Variants in GABRG3 observed in about 807,000 individuals in gnomAD.
GABRG3 encodes the protein gamma-aminobutyric acid type A receptor subunit gamma3.
A neutral mutation model predicts 48.8 loss-of-function variants in GABRG3; 25 were observed. That is an observed-to-expected ratio of 0.51 (90% CI 0.37 to 0.72). The LOEUF is 0.72. GABRG3 is among the 30% of genes least tolerant of loss of function. The pLI is 0.00. For synonymous variants in GABRG3, 227 were observed against 217.6 expected, an observed-to-expected ratio of 1.04 and a Z score of -0.38; for missense variants, 394 against 577.9, an observed-to-expected ratio of 0.68 and a Z score of 3.26.
intron 3 of GABRG3, among the ~76,000 whole-genome samples, chr15:27,316,312 C>CG (rs1893216460): frequency 7.1e-6 from 1 of 140,212 alleles, no homozygotes; most frequent in South Asian, 2.3e-4. Flanking sequence ...GGCGTGAACC[C>CG]GGGAGGCAGA....
intron 2 of GABRG3, among the ~76,000 whole-genome samples, chr15:27,008,504 G>A (rs1289005927): frequency 1.3e-5 from 2 of 152,186 alleles, no homozygotes; most frequent in Non-Finnish European, 2.9e-5. Context: ...AGATTCAGTC[G>A]AGAATTGAAT....
intron 3 of GABRG3, among the ~76,000 whole-genome samples, chr15:27,084,001 C>G (rs1897034396): frequency 6.6e-6 from 1 of 152,190 alleles, no homozygotes; most frequent in South Asian, 2.1e-4. Context: ...GCAGGGAAGC[C>G]TGGTTTGGTG....
chr15:27,281,627 A>G (rs190334563), intron 3 of GABRG3, among the ~76,000 whole-genome samples: 342 of 151,916 alleles, frequency 2.3e-3, no homozygotes, highest in African/African-American at 7.4e-3. Flanking sequence ...CGGACACTGT[A>G]CTTTTCCTAC....
intron 3 of GABRG3, among the ~76,000 whole-genome samples, chr15:27,145,618 T>TATCTATC (rs1555406012): frequency 1.9e-4 from 27 of 145,832 alleles, no homozygotes; most frequent in South Asian, 1.1e-3. Context: ...TCTATCTATC[T>TATCTATC]ATCTATCTAT....
At chr15:27,391,048 A>G (rs1251725964) in intron 5 of GABRG3, among the ~76,000 whole-genome samples, 2 of 151,638 alleles carry the variant, frequency 1.3e-5, no homozygotes, top group African/African-American at 4.8e-5. Flanking sequence ...AGATCACACC[A>G]TTGCACTCTA....
chr15:27,103,466 C>T (rs1401621119), intron 3 of GABRG3, among the ~76,000 whole-genome samples: 1 of 152,096 alleles, frequency 6.6e-6, no homozygotes, highest in Non-Finnish European at 1.5e-5. Flanking sequence ...GGGTGGCCAG[C>T]CTTCTGGCAC....
intron 3 of GABRG3, among the ~76,000 whole-genome samples, chr15:27,099,763 G>A (rs754760696): frequency 6.6e-6 from 1 of 151,788 alleles, no homozygotes; most frequent in African/African-American, 2.4e-5. Context: ...GATAAGAGAA[G>A]TAGAAGAATG....
chr15:27,442,501 G>A (rs1351727795), intron 5 of GABRG3, among the ~76,000 whole-genome samples: 1 of 152,170 alleles, frequency 6.6e-6, no homozygotes, highest in East Asian at 1.9e-4. Context: ...CAAGCCCTGG[G>A]GAGAGGAACC....
chr15:27,407,306 A>C (rs2140594993), intron 5 of GABRG3, among the ~76,000 whole-genome samples: 1 of 152,334 alleles, frequency 6.6e-6, no homozygotes, highest in South Asian at 2.1e-4. Context: ...CGGAACACTG[A>C]CACCAGCAAA....
At chr15:27,255,063 C>T (rs1210247128) in intron 3 of GABRG3, among the ~76,000 whole-genome samples, 1 of 152,180 alleles carries the variant, frequency 6.6e-6, no homozygotes, top group Non-Finnish European at 1.5e-5. Context: ...GGCCCAGCCC[C>T]TGCAAAGATC....
At chr15:27,399,293 A>G (rs1213012299) in intron 5 of GABRG3, among the ~76,000 whole-genome samples, 1 of 152,204 alleles carries the variant, frequency 6.6e-6, no homozygotes, top group African/African-American at 2.4e-5. Context: ...GGAAAAATAA[A>G]TGGATGTCAG....
intron 3 of GABRG3, among the ~76,000 whole-genome samples, chr15:27,103,560 A>G (rs1039418475): frequency 2.0e-5 from 3 of 152,214 alleles, no homozygotes; most frequent in African/African-American, 7.2e-5. Flanking sequence ...TCGGTTAGGG[A>G]GCATGGAGAA....
At chr15:27,200,671 C>T (rs192141775) in intron 3 of GABRG3, among the ~76,000 whole-genome samples, 3 of 152,230 alleles carry the variant, frequency 2.0e-5, no homozygotes, top group Admixed American at 6.5e-5. Context: ...TGTGGACCAG[C>T]GGATTTCTAT....
chr15:27,146,828 G>A (rs952854835), intron 3 of GABRG3, among the ~76,000 whole-genome samples: 2 of 151,992 alleles, frequency 1.3e-5, no homozygotes, highest in African/African-American at 4.8e-5. Flanking sequence ...TTAAAGTGAT[G>A]CACTATAAAA....
chr15:27,399,748 G>A (rs1887422400), intron 5 of GABRG3, among the ~76,000 whole-genome samples: 1 of 152,172 alleles, frequency 6.6e-6, no homozygotes, highest in Admixed American at 6.5e-5. Flanking sequence ...TTGTTAAAAT[G>A]TCTTCAATTT....
chr15:26,997,188 C>A (rs1331264159), intron 2 of GABRG3, among the ~76,000 whole-genome samples: 1 of 152,092 alleles, frequency 6.6e-6, no homozygotes, highest in Non-Finnish European at 1.5e-5. Flanking sequence ...ATTTCTATCT[C>A]TTTAATGATA....
intron 3 of GABRG3, among the ~76,000 whole-genome samples, chr15:27,269,685 C>G (rs574624412): frequency 6.6e-6 from 1 of 152,284 alleles, no homozygotes; most frequent in South Asian, 2.1e-4. Flanking sequence ...CTGCGTAGTC[C>G]TGACATTAAT....
intron 5 of GABRG3, among the ~76,000 whole-genome samples, chr15:27,470,534 T>A (rs1248284605): frequency 6.6e-6 from 1 of 151,994 alleles, no homozygotes; most frequent in African/African-American, 2.4e-5. Context: ...ATCCTTTTTT[T>A]TTTTTTATTG....
intron 5 of GABRG3, among the ~76,000 whole-genome samples, chr15:27,397,413 C>T (rs775533783): frequency 9.2e-5 from 14 of 152,140 alleles, no homozygotes; most frequent in Admixed American, 2.6e-4. Context: ...TGTCCAACTG[C>T]CTCTATGTGG....
Sources: allele counts gnomAD v4.1 joint callset (sites outside exome capture counted in the v4.1 genomes callset), GRCh38; gene constraint gnomAD v4.1.1; transcripts MANE v1.5; gene names NCBI Gene and HGNC (gene_info 2026-07-23, HGNC 2026-07-21).